The following FRK variants were observed in gnomAD, a reference collection of about 807,000 sequenced individuals.
The protein encoded by FRK is fyn related Src family tyrosine kinase, also known as tyrosine-protein kinase FRK.
FRK carries 51 observed loss-of-function variants against 56.4 expected under a neutral mutation model. That is an observed-to-expected ratio of 0.90 (90% CI 0.72 to 1.14). The LOEUF is 1.14. Among genes scored for constraint, FRK ranks in the 50% most tolerant of loss-of-function variants. The pLI, the probability that FRK is intolerant of heterozygous loss-of-function variation, is 0.00. For synonymous variants in FRK, 245 were observed against 217.9 expected (o/e 1.12, Z -1.10); for missense variants, 570 against 601.4 (o/e 0.95, Z 0.55).
In FRK at chr6:116,060,424, C is replaced by T. The variant is rs1463268519; in HGVS notation, c.-113G>A. On this transcript the variant is annotated 5_prime_UTR_variant, in exon 1 of 8. Transcript: ENST00000606080. ...TTGAAGTCAGCACCAACTCACCATA[C>T]TTCGGAGAGTATGCAAAGTCCCGTT... 6 of 781,342 alleles carry T rather than the reference C, an allele frequency of 7.7e-6. No individual in the cohort carries two copies. Among genetic ancestry groups the T allele is most frequent in the South Asian group, 3.5e-5 (2 of 56,722 alleles). 48.4% of individuals were successfully genotyped at this position (781,342 alleles called of 1,614,324 possible).
chr6:116,072,530 A>C, the FRK span, among the ~76,000 whole-genome samples: 3 of 144,872 alleles, frequency 2.1e-5, no homozygotes, highest in Non-Finnish European at 3.0e-5. Context: ...AGGTTAAATA[A>C]ACACACACAC....
chr6:116,029,804 T>C (rs1252336268), intron 1 of FRK, among the ~76,000 whole-genome samples: 2 of 152,106 alleles, frequency 1.3e-5, no homozygotes, highest in African/African-American at 4.8e-5. Context: ...TCACCCCTTT[T>C]CCATCTGAAG....
the FRK span, among the ~76,000 whole-genome samples, chr6:116,081,872 A>C: frequency 6.6e-6 from 1 of 152,102 alleles, no homozygotes; most frequent in Non-Finnish European, 1.5e-5. Context: ...ACCAAAAAGA[A>C]AAATTTCTGT....
At chr6:115,994,028 T>C (rs1774725459) in intron 2 of FRK, among the ~76,000 whole-genome samples, 1 of 152,080 alleles carries the variant, frequency 6.6e-6, no homozygotes, top group Admixed American at 6.6e-5. Flanking sequence ...TATTGTCATC[T>C]CTTATAGTAT....
At position 115,958,692 on chromosome 6, in the gene FRK, GAAA is replaced by G. The variant is rs60249350; in HGVS notation, c.800-2085_800-2083del. Reference sequence around the variant, plus strand: ...AGAAAGAAAGAAAGAAAGAAAGAAAGAAAGAAAGAAAGAAGAAAGAAAGAAAGA... The same window carrying G: ...AGAAAGAAAGAAAGAAAGAAAGAAAGGAAAGAAAGAAGAAAGAAAGAAAGA... On this transcript the variant is annotated intron_variant, in intron 4 of 7. Transcript: ENST00000606080. Among the ~76,000 whole-genome samples, 55 of 15,070 alleles carry G rather than the reference GAAA, an allele frequency of 3.6e-3. 2 individuals are homozygous for G. Among genetic ancestry groups the G allele is most frequent in the East Asian group, 0.025 (12 of 480 alleles). The allele number at this position is 15,070 out of a possible 152,430, so 9.9% of individuals were successfully genotyped here.
chr6:116,031,443 G>A (rs1206826620), intron 1 of FRK, among the ~76,000 whole-genome samples: 2 of 152,116 alleles, frequency 1.3e-5, no homozygotes, highest in Non-Finnish European at 2.9e-5. Context: ...CAGAGAGGAG[G>A]AAAATCACAT....
chr6:115,991,109 T>C (rs1774587389), intron 2 of FRK, among the ~76,000 whole-genome samples: 1 of 151,828 alleles, frequency 6.6e-6, no homozygotes, highest in African/African-American at 2.4e-5. Context: ...CTAATTTTTA[T>C]ATGTTAATTT....
At chr6:116,018,485 C>T (rs919184832) in intron 1 of FRK, among the ~76,000 whole-genome samples, 4 of 152,130 alleles carry the variant, frequency 2.6e-5, no homozygotes, top group Admixed American at 1.3e-4. Flanking sequence ...AGGCAGAGTC[C>T]TTCCAGTTAT....
chr6:115,951,079 T>G (rs545994096), intron 5 of FRK, among the ~76,000 whole-genome samples: 23 of 152,206 alleles, frequency 1.5e-4, no homozygotes, highest in Middle Eastern at 6.8e-3. Flanking sequence ...GATGACAGGT[T>G]GATGGGAGCA....
At chr6:116,057,649 C>T (rs1460383005) in intron 1 of FRK, among the ~76,000 whole-genome samples, 2 of 151,930 alleles carry the variant, frequency 1.3e-5, no homozygotes, top group Admixed American at 6.6e-5. Flanking sequence ...GTGAAGATCC[C>T]AAGGAAAGCT....
At chr6:116,076,219 G>A in the FRK span, among the ~76,000 whole-genome samples, 2 of 152,014 alleles carry the variant, frequency 1.3e-5, no homozygotes, top group Non-Finnish European at 2.9e-5. Context: ...TTATTTAAAG[G>A]AAATTATTCA....
At chr6:116,069,507 A>G in the FRK span, among the ~76,000 whole-genome samples, 3 of 152,120 alleles carry the variant, frequency 2.0e-5, no homozygotes, top group Non-Finnish European at 4.4e-5. Context: ...ATGGTGGCTC[A>G]CACCTGCAAT....
chr6:116,004,537 G>A (rs1249629277), intron 1 of FRK, among the ~76,000 whole-genome samples: 2 of 152,090 alleles, frequency 1.3e-5, no homozygotes, highest in Non-Finnish European at 2.9e-5. Flanking sequence ...CATAAGATGA[G>A]ATTATTTTGC....
chr6:115,943,867 C>A (rs575849105), intron 6 of FRK, among the ~76,000 whole-genome samples: 1 of 152,220 alleles, frequency 6.6e-6, no homozygotes, highest in African/African-American at 2.4e-5. Flanking sequence ...AGAATTCTGG[C>A]AGCATGCAAA....
chr6:116,095,273 T>G, the FRK span, among the ~76,000 whole-genome samples: 1 of 152,234 alleles, frequency 6.6e-6, no homozygotes, highest in Non-Finnish European at 1.5e-5. Flanking sequence ...AAGGGAACTC[T>G]TTATAGAAGC....
intron 1 of FRK, among the ~76,000 whole-genome samples, chr6:116,006,777 C>T (rs947211400): frequency 2.0e-5 from 3 of 152,024 alleles, no homozygotes; most frequent in South Asian, 2.1e-4. Flanking sequence ...GCACTATGAT[C>T]GCACCTGTGA....
intron 2 of FRK, among the ~76,000 whole-genome samples, chr6:115,973,533 G>A (rs1254886648): frequency 1.3e-5 from 2 of 152,216 alleles, no homozygotes; most frequent in East Asian, 3.9e-4. Flanking sequence ...TGCTACACAT[G>A]TATCCCAGAA....
intron 4 of FRK, among the ~76,000 whole-genome samples, chr6:115,965,966 G>C (rs1773551029): frequency 9.5e-6 from 1 of 105,736 alleles, no homozygotes; most frequent in African/African-American, 3.6e-5. Context: ...CACGTTAGTG[G>C]GTGCAGCGCA....
intron 1 of FRK, among the ~76,000 whole-genome samples, chr6:116,022,639 T>C (rs953392489): frequency 6.6e-6 from 1 of 152,104 alleles, no homozygotes; most frequent in Admixed American, 6.6e-5. Flanking sequence ...TTAGCAAAGT[T>C]GAAATAGAAG....
Sources: gnomAD v4.1 joint callset for allele counts (sites outside exome capture counted in the v4.1 genomes callset) on GRCh38, gnomAD v4.1.1 for gene constraint, MANE v1.5 for transcripts, NCBI Gene and HGNC (gene_info 2026-07-23, HGNC 2026-07-21) for gene names.